The following B3GALT1 variants were observed in gnomAD, a reference collection of about 807,000 sequenced individuals.
The protein encoded by B3GALT1 is beta-1,3-galactosyltransferase 1.
A neutral mutation model predicts 23.2 loss-of-function variants in B3GALT1; 10 were observed. That is an observed-to-expected ratio of 0.43 (90% CI 0.27 to 0.73). The LOEUF (loss-of-function observed/expected upper bound fraction) is 0.73. Among genes scored for constraint, B3GALT1 ranks in the 30% least tolerant of loss-of-function variants. The pLI, the probability that B3GALT1 is intolerant of heterozygous loss-of-function variation, is 0.21. For synonymous variants in B3GALT1, 156 were observed against 141.5 expected (o/e 1.10, Z -0.73); for missense variants, 299 against 405.4 (o/e 0.74, Z 2.25).
chr2:167,565,038 C>T (rs1433086378), intron 2 of B3GALT1, among the ~76,000 whole-genome samples: 6 of 152,096 alleles, frequency 3.9e-5, no homozygotes, highest in East Asian at 3.9e-4. Context: ...AAAAAGAGCC[C>T]GCATTGCCAA....
At chr2:167,506,954 A>C (rs1574108452) in intron 2 of B3GALT1, among the ~76,000 whole-genome samples, 1 of 152,300 alleles carries the variant, frequency 6.6e-6, no homozygotes, top group East Asian at 1.9e-4. Context: ...AGACTATGGA[A>C]GCCTTACATA....
At chr2:167,571,936 A>G (rs1684300078) in intron 2 of B3GALT1, among the ~76,000 whole-genome samples, 1 of 151,932 alleles carries the variant, frequency 6.6e-6, no homozygotes, top group South Asian at 2.1e-4. Flanking sequence ...AAATTAGAGT[A>G]TAAATTATAC....
At chr2:167,535,166 G>A (rs1463481137) in intron 2 of B3GALT1, among the ~76,000 whole-genome samples, 1 of 152,128 alleles carries the variant, frequency 6.6e-6, no homozygotes, top group Non-Finnish European at 1.5e-5. Context: ...TCATTAGAAA[G>A]TATAAAGAAT....
At chr2:167,316,597 T>A (rs568480197) in intron 1 of B3GALT1, among the ~76,000 whole-genome samples, 1 of 152,138 alleles carries the variant, frequency 6.6e-6, no homozygotes, top group South Asian at 2.1e-4. Flanking sequence ...CGTCCAGAGG[T>A]TAGGTCTTGG....
At chr2:167,500,116 C>T (rs1236173110) in intron 2 of B3GALT1, among the ~76,000 whole-genome samples, 1 of 152,034 alleles carries the variant, frequency 6.6e-6, no homozygotes, top group Admixed American at 6.6e-5. Context: ...GTTAATGTCA[C>T]AATAGCCTCA....
rs973796587 is a variant in B3GALT1 at position 167,869,507 on chromosome 2, A to G, written c.468A>G (p.Thr156=). The G allele has an allele frequency of 3.1e-6, 5 of 1,613,888 alleles. No individual in the cohort carries two copies. The highest frequency in any genetic ancestry group is 3.4e-6 in the Non-Finnish European group (4 of 1,180,024). Residue 156 remains threonine, a synonymous_variant, in exon 5 of 5, where the codon ACA becomes ACG. Coordinates refer to ENST00000392690, the MANE Select transcript of B3GALT1 (RefSeq NM_020981.4). The surrounding 1 kb of genome is among the most constrained non-coding windows in gnomAD (Gnocchi z 6.4). ...IDSYHNLTLK[T]LMGMRWVATF... ...CCTACCATAACCTTACCCTCAAAAC[A>G]TTAATGGGGATGAGATGGGTGGCCA...
intron 1 of B3GALT1, among the ~76,000 whole-genome samples, chr2:167,352,269 T>G (rs1337537069): frequency 7.2e-5 from 2 of 27,660 alleles, no homozygotes; most frequent in Non-Finnish European, 9.9e-5. Context: ...GCCTGGCCTG[T>G]TTTTTTTTTT....
At chr2:167,481,974 CAATG>C (rs1161021278) in intron 1 of B3GALT1, among the ~76,000 whole-genome samples, 2 of 152,112 alleles carry the variant, frequency 1.3e-5, no homozygotes, top group African/African-American at 4.8e-5. Context: ...TACAGAAAAA[CAATG>C]TATTTCTTTT....
intron 1 of B3GALT1, among the ~76,000 whole-genome samples, chr2:167,387,586 T>A (rs923724808): frequency 6.6e-6 from 1 of 152,212 alleles, no homozygotes; most frequent in Non-Finnish European, 1.5e-5. Context: ...CCACTACACT[T>A]GCTGTAAAAA....
intron 1 of B3GALT1, among the ~76,000 whole-genome samples, chr2:167,464,914 G>A (rs1371322141): frequency 6.6e-6 from 1 of 152,072 alleles, no homozygotes; most frequent in East Asian, 1.9e-4. Flanking sequence ...TTGTTTATGT[G>A]TTCACATAAA....
intron 3 of B3GALT1, among the ~76,000 whole-genome samples, chr2:167,681,918 G>A (rs1558947631): frequency 6.6e-6 from 1 of 152,146 alleles, no homozygotes; most frequent in Admixed American, 6.5e-5. Flanking sequence ...GCTTTCCATC[G>A]TCCCACTTCT....
At chr2:167,468,852 C>T (rs924125823) in intron 1 of B3GALT1, among the ~76,000 whole-genome samples, 1 of 152,170 alleles carries the variant, frequency 6.6e-6, no homozygotes, top group Admixed American at 6.5e-5. Context: ...GCCTGCACAA[C>T]AGAATGAGAC....
At chr2:167,763,987 A>G (rs1195607568) in intron 3 of B3GALT1, among the ~76,000 whole-genome samples, 1 of 152,130 alleles carries the variant, frequency 6.6e-6, no homozygotes, top group Non-Finnish European at 1.5e-5. Flanking sequence ...AAATGAAATC[A>G]CTCCATGCTT....
intron 3 of B3GALT1, among the ~76,000 whole-genome samples, chr2:167,807,642 T>A (rs1157045697): frequency 1.3e-5 from 2 of 152,234 alleles, no homozygotes; most frequent in Non-Finnish European, 2.9e-5. Context: ...AGTTTCTTAA[T>A]CCTGAGTTCT....
intron 3 of B3GALT1, among the ~76,000 whole-genome samples, chr2:167,650,324 G>GTGTA (rs1156281858): frequency 1.4e-5 from 2 of 147,762 alleles, no homozygotes; most frequent in Non-Finnish European, 3.0e-5. Context: ...ATGTGTGTGT[G>GTGTA]TATATATATA....
chr2:167,539,811 G>T (rs922589868), intron 2 of B3GALT1, among the ~76,000 whole-genome samples: 5 of 151,904 alleles, frequency 3.3e-5, no homozygotes, highest in Non-Finnish European at 5.9e-5. Context: ...GAAATAACAA[G>T]ATATAATTTA....
intron 2 of B3GALT1, among the ~76,000 whole-genome samples, chr2:167,534,343 T>C (rs999149605): frequency 2.2e-4 from 33 of 152,290 alleles, no homozygotes; most frequent in African/African-American, 6.7e-4. Context: ...GTACAGTAGG[T>C]AATTTCTTCA....
At chr2:167,443,631 C>T (rs1698932179) in intron 1 of B3GALT1, among the ~76,000 whole-genome samples, 1 of 152,100 alleles carries the variant, frequency 6.6e-6, no homozygotes, top group Admixed American at 6.5e-5. Context: ...CTCTTTGAAG[C>T]AATTGTGAAT....
intron 4 of B3GALT1, among the ~76,000 whole-genome samples, chr2:167,842,175 A>C (rs953860181): frequency 2.0e-5 from 3 of 152,232 alleles, no homozygotes; most frequent in African/African-American, 7.2e-5. Flanking sequence ...AAACAAAGCA[A>C]AATAGAAACA....
Sources: gnomAD v4.1 joint callset for allele counts (sites outside exome capture counted in the v4.1 genomes callset) on GRCh38, gnomAD v4.1.1 for gene constraint, Gnocchi (gnomAD v3.1) non-coding constraint, MANE v1.5 for transcripts, NCBI Gene and HGNC (gene_info 2026-07-23, HGNC 2026-07-21) for gene names.